ZNF207: variants seen among roughly 807,000 people sequenced by gnomAD.
The protein encoded by ZNF207 is zinc finger protein 207, also known as BUB3-interacting and GLEBS motif-containing protein ZNF207.
ZNF207 carries 24 observed loss-of-function variants against 60.2 expected under a neutral mutation model. The ratio of observed to expected loss-of-function variants is 0.40; its 90% CI spans 0.29 to 0.56. ZNF207 has a LOEUF of 0.56. Among genes scored for constraint, ZNF207 ranks in the 20% least tolerant of loss-of-function variants. The pLI is 0.49. For missense variants in ZNF207, 452 were observed against 636.6 expected, an observed-to-expected ratio of 0.71 and a Z score of 3.12; for synonymous variants, 236 against 194.7, an observed-to-expected ratio of 1.21 and a Z score of -1.77.
chr17:32,365,550 G>C, intron 8 of ZNF207, 63 bp downstream of exon 8: 2 of 1,444,852 alleles, frequency 1.4e-6, no homozygotes, highest in South Asian at 3.3e-5. Flanking sequence ...GTTGTTTACA[G>C]AAGTCTTTGA....
Position 32,350,188 on chromosome 17 carries a change from C to G in ZNF207, c.-98C>G, listed in dbSNP as rs756852155. 9 of 1,555,906 alleles carry G rather than the reference C, an allele frequency of 5.8e-6. No homozygotes were observed. The highest frequency in any genetic ancestry group is 2.3e-5 in the East Asian group (1 of 44,326). ...CATTTTGTGTCTGCTTCCTGTGGGA[C>G]GTGGTGGTAGCCGTTGGGTTGGGAA... On this transcript the variant is annotated 5_prime_UTR_variant, in exon 1 of 12. Coordinates refer to ENST00000394670, the MANE Select transcript of ZNF207 (RefSeq NM_001098507.2).
In ZNF207 at chr17:32,380,028, T is replaced by C. The variant is rs1905822788; in HGVS notation, c.*10269T>C. 1 of 152,424 alleles carries C rather than the reference T, an allele frequency of 6.6e-6. No individual in the cohort carries two copies. The highest frequency in any genetic ancestry group is 1.5e-5 in the Non-Finnish European group (1 of 68,026). The allele number at this position is 152,424 out of a possible 1,614,324, so 9.4% of individuals were successfully genotyped here. A position where few individuals can be genotyped will look rare whatever the true frequency, so the allele number is the denominator to read the frequency against. On this transcript the variant is annotated 3_prime_UTR_variant, in exon 12 of 12. Coordinates refer to ENST00000394670, the MANE Select transcript of ZNF207 (RefSeq NM_001098507.2). ...TTTTTAGTATGAACAATGATAGTTT[T>C]CTAAAATCTGAAAATCAATACCTGA...
intron 7 of ZNF207, among the ~76,000 whole-genome samples, chr17:32,365,001 A>G (rs1199250489): frequency 6.6e-6 from 1 of 152,214 alleles, no homozygotes; most frequent in African/African-American, 2.4e-5. Context: ...TTCAGGGAGT[A>G]TTTAAATATC....
Position 32,375,718 on chromosome 17 carries a change from G to C in ZNF207, c.*5959G>C, listed in dbSNP as rs1272512140. On this transcript the variant is annotated 3_prime_UTR_variant, in exon 12 of 12. Coordinates refer to ENST00000394670, the MANE Select transcript of ZNF207 (RefSeq NM_001098507.2). ...AGATACTCTAAAATTATACAGACAT[G>C]AATGTCTTTTTTAAAAGGTTGTCAT... The C allele has an allele frequency of 1.3e-5, 2 of 152,050 alleles. No individual in the cohort carries two copies. The highest frequency in any genetic ancestry group is 6.5e-5 in the Admixed American group (1 of 15,274). The allele number at this position is 152,050 out of a possible 1,614,324, so 9.4% of individuals were successfully genotyped here. A position where few individuals can be genotyped will look rare whatever the true frequency, so the allele number is the denominator to read the frequency against.
At chr17:32,364,876 GTT>G (rs1006446128) in intron 7 of ZNF207, among the ~76,000 whole-genome samples, 1 of 152,178 alleles carries the variant, frequency 6.6e-6, no homozygotes, top group African/African-American at 2.4e-5. Context: ...GTCATTAAAA[GTT>G]TTGTCATGTT....
chr17:32,357,594 G>C (rs1171423274), intron 2 of ZNF207, among the ~76,000 whole-genome samples: 2 of 151,530 alleles, frequency 1.3e-5, no homozygotes, highest in African/African-American at 4.8e-5. Context: ...TGATCCGCCC[G>C]CCTCGGCCTC....
chr17:32,354,469 C>T (rs892383150), intron 2 of ZNF207, among the ~76,000 whole-genome samples: 23 of 152,232 alleles, frequency 1.5e-4, no homozygotes, highest in African/African-American at 5.3e-4. Context: ...CACCACCGTG[C>T]CTGCCTGAGT....
At chr17:32,351,561 ATG>A (rs1567810322) in intron 1 of ZNF207, 6 of 1,532,386 alleles carry the variant, frequency 3.9e-6, no homozygotes, top group Non-Finnish European at 5.2e-6. Context: ...GATTATTGAG[ATG>A]TGTTTTTTGG....
At chr17:32,355,926 G>C (rs1467660979) in intron 2 of ZNF207, among the ~76,000 whole-genome samples, 1 of 152,210 alleles carries the variant, frequency 6.6e-6, no homozygotes, top group Non-Finnish European at 1.5e-5. Flanking sequence ...ACGGTGCTTT[G>C]AAGAGACAGG....
chr17:32,366,894 C>A, intron 9 of ZNF207, 137 bp downstream of exon 9: 1 of 704,794 alleles, frequency 1.4e-6, no homozygotes, highest in Non-Finnish European at 2.1e-6. Flanking sequence ...CTATATAAGT[C>A]AAATGGTATT....
chr17:32,358,261 T>C (rs1904664122), intron 2 of ZNF207, among the ~76,000 whole-genome samples: 1 of 152,238 alleles, frequency 6.6e-6, no homozygotes, highest in South Asian at 2.1e-4. Context: ...CCAAGTGTTT[T>C]TTATATACAG....
chr17:32,372,967 A>G lies in ZNF207; in HGVS notation c.*3208A>G, dbSNP rs2150806108. On this transcript the variant is annotated 3_prime_UTR_variant, in exon 12 of 12. Transcript: ENST00000394670. Reference sequence around the variant, plus strand: ...CCTTACATCCACCCCTTTTAGAAAAACAAGAAAACATTTTGTCTGGCACTA... The same window carrying G: ...CCTTACATCCACCCCTTTTAGAAAAGCAAGAAAACATTTTGTCTGGCACTA... 6.5e-6 allele frequency: 1 copy of G among 153,012 alleles called. No homozygotes were observed. The highest frequency in any genetic ancestry group is 1.5e-5 in the Non-Finnish European group (1 of 68,550). 9.5% of individuals were successfully genotyped at this position (153,012 alleles called of 1,614,324 possible). A position where few individuals can be genotyped will look rare whatever the true frequency, so the allele number is the denominator to read the frequency against.
Position 32,369,987 on chromosome 17 carries a change from A to G in ZNF207, c.*228A>G, listed in dbSNP as rs2150804543. 5.0e-6 allele frequency: 2 copies of G among 403,376 alleles called. No individual in the cohort carries two copies. The highest frequency in any genetic ancestry group is 8.2e-6 in the Non-Finnish European group (2 of 243,636). 25.0% of individuals were successfully genotyped at this position (403,376 alleles called of 1,614,324 possible). On this transcript the variant is annotated 3_prime_UTR_variant, in exon 12 of 12. Transcript: ENST00000394670. ...ATTTATACTGTATGGCTTCTTTTTC[A>G]TGTTTCATCTAGGTTTTTAGAAGTG... is the stretch of plus-strand genomic sequence containing the variant.
intron 6 of ZNF207, among the ~76,000 whole-genome samples, chr17:32,362,156 G>GTGTA (rs1555606908): frequency 7.3e-6 from 1 of 136,900 alleles, no homozygotes; most frequent in African/African-American, 2.7e-5. Context: ...GTGTGTGTGT[G>GTGTA]TATATGTATG....
intron 5 of ZNF207, 98 bp downstream of exon 5, chr17:32,361,065 G>C: frequency 7.6e-7 from 1 of 1,308,470 alleles, no homozygotes; most frequent in Non-Finnish European, 1.1e-6. Context: ...TCCATTTTTT[G>C]CTTCTAGAAG....
In ZNF207 at chr17:32,350,331, C is replaced by T. The variant is rs893352675; in HGVS notation, c.41+5C>T. Reference sequence around the variant, plus strand: ...GCAGCTGAAGCCGTGGTGCTGGTATCCTTTGTCGGTTTGAAGTCGAGGTCG... The same window carrying T: ...GCAGCTGAAGCCGTGGTGCTGGTATTCTTTGTCGGTTTGAAGTCGAGGTCG... On this transcript the variant is annotated splice_donor_5th_base_variant and intron_variant, in intron 1 of 11. Transcript: ENST00000394670. 6.2e-7 allele frequency: 1 copy of T among 1,614,090 alleles called. No homozygotes were observed. The highest frequency in any genetic ancestry group is 8.5e-7 in the Non-Finnish European group (1 of 1,180,022).
In ZNF207 at chr17:32,369,556, C is replaced by T. The variant is rs752902684; in HGVS notation, c.1325-43C>T. The T allele has an allele frequency of 2.0e-5, 32 of 1,571,104 alleles. No homozygotes were observed. In the South Asian group the frequency reaches 2.1e-4, roughly 10 times the overall value. On this transcript the variant is annotated intron_variant, in intron 11 of 11. Coordinates refer to ENST00000394670, the MANE Select transcript of ZNF207 (RefSeq NM_001098507.2). ...ATACGTTGCACTTAAAAGTACAATG[C>T]GTTAACAATCTATTTTTTTGTGTTT...
rs929842328 is a variant in ZNF207 at position 32,380,850 on chromosome 17, T to C, written c.*11091T>C. ...GACGTGCCTGTAACCCCAGCTACTC[T>C]GGAGGCTGAGGCAGGAAAATCGCTT... On this transcript the variant is annotated 3_prime_UTR_variant, in exon 12 of 12. Transcript: ENST00000394670. 1.3e-5 allele frequency: 2 copies of C among 151,756 alleles called. No homozygotes were observed. The highest frequency in any genetic ancestry group is 2.9e-5 in the Non-Finnish European group (2 of 67,956). The allele number at this position is 151,756 out of a possible 1,614,324, so 9.4% of individuals were successfully genotyped here. A position where few individuals can be genotyped will look rare whatever the true frequency, so the allele number is the denominator to read the frequency against.
In ZNF207 at chr17:32,369,291, C is replaced by T. The variant is rs780285451; in HGVS notation, c.1165-4C>T. ...TTTAGCCCTGCGCTTATTTTTATTC[C>T]CAGGAAGAGAGAAGGGCACAGTTAC... On this transcript the variant is annotated splice_region_variant and splice_polypyrimidine_tract_variant and intron_variant, in intron 10 of 11. Coordinates refer to ENST00000394670, the MANE Select transcript of ZNF207 (RefSeq NM_001098507.2). The T allele has an allele frequency of 1.2e-6, 2 of 1,613,276 alleles. No homozygotes were observed. Among genetic ancestry groups the T allele is most frequent in the East Asian group, 2.2e-5 (1 of 44,844 alleles).
Sources: gnomAD v4.1 joint callset for allele counts (sites outside exome capture counted in the v4.1 genomes callset) on GRCh38, gnomAD v4.1.1 for gene constraint, MANE v1.5 for transcripts, NCBI Gene and HGNC (gene_info 2026-07-23, HGNC 2026-07-21) for gene names.